The following RND1 variants were observed in gnomAD, a reference collection of about 807,000 sequenced individuals.
RND1 encodes the protein Rho family GTPase 1.
In RND1, 9 loss-of-function variants were observed where a neutral mutation model predicts 27.1. That is an observed-to-expected ratio of 0.33 (90% CI 0.20 to 0.58). The LOEUF (loss-of-function observed/expected upper bound fraction) is 0.58. Ranked by LOEUF, RND1 falls within the 20% of genes least tolerant of loss-of-function variation. The pLI, the probability that RND1 is intolerant of heterozygous loss-of-function variation, is 0.86. For synonymous variants in RND1, 108 were observed against 115.7 expected, an observed-to-expected ratio of 0.93 and a Z score of 0.43; for missense variants, 253 against 292.2, an observed-to-expected ratio of 0.87 and a Z score of 0.98.
chr12:48,860,923 G>C, intron 4 of RND1, 74 bp downstream of exon 4: 2 of 1,596,458 alleles, frequency 1.3e-6, no homozygotes, highest in South Asian at 1.1e-5. Context: ...ATTTGAGCCA[G>C]GGCCATATTT....
At chr12:48,864,416 TGCGCGC>T (rs57360089) in intron 2 of RND1, among the ~76,000 whole-genome samples, 2 of 135,458 alleles carry the variant, frequency 1.5e-5, no homozygotes, top group African/African-American at 5.4e-5. Flanking sequence ...TGTGTGTGTG[TGCGCGC>T]GCGCGCGTGT....
intron 1 of RND1, 149 bp downstream of exon 1, chr12:48,865,499 C>T: frequency 1.1e-6 from 1 of 931,318 alleles, no homozygotes; most frequent in Non-Finnish European, 1.7e-6. Context: ...AGTCCTCCAG[C>T]CAAAAAGCAG....
chr12:48,860,077 CTTT>C (rs36016980), intron 4 of RND1, among the ~76,000 whole-genome samples: 3 of 122,726 alleles, frequency 2.4e-5, no homozygotes, highest in Non-Finnish European at 3.4e-5. Flanking sequence ...CACACCTGGC[CTTT>C]TTTTTTTTTT....
At position 48,857,857 on chromosome 12, in the gene RND1, C is replaced by T. The variant is rs1938864954; in HGVS notation, c.*139G>A. 1.6e-5 allele frequency: 16 copies of T among 1,027,400 alleles called. No homozygotes were observed. 63.6% of individuals were successfully genotyped at this position (1,027,400 alleles called of 1,614,324 possible). A position where few individuals can be genotyped will look rare whatever the true frequency, so the allele number is the denominator to read the frequency against. On this transcript the variant is annotated 3_prime_UTR_variant, in exon 5 of 5. Coordinates refer to ENST00000309739, the MANE Select transcript of RND1 (RefSeq NM_014470.4). ...GCCTGGCTCCTTCCTCGCCCCATTC[C>T]TGTCTCCTTCCAAGCCCTCACCGTG...
intron 2 of RND1, among the ~76,000 whole-genome samples, chr12:48,863,796 C>T (rs975032152): frequency 1.3e-5 from 2 of 152,154 alleles, no homozygotes; most frequent in African/African-American, 2.4e-5. Context: ...GCAGGAAACA[C>T]CTAGTGATTT....
At chr12:48,864,423 G>GCGCA (rs1461433853) in intron 2 of RND1, among the ~76,000 whole-genome samples, 2 of 148,264 alleles carry the variant, frequency 1.3e-5, no homozygotes, top group African/African-American at 2.4e-5. Flanking sequence ...GTGTGCGCGC[G>GCGCA]CGCGCGTGTG....
chr12:48,865,541 A>G, intron 1 of RND1, 107 bp downstream of exon 1: 4 of 1,320,256 alleles, frequency 3.0e-6, no homozygotes, highest in Non-Finnish European at 3.2e-6. Context: ...AAAGCGGCTG[A>G]GGATGGGCTG....
intron 2 of RND1, among the ~76,000 whole-genome samples, chr12:48,864,351 C>T (rs1196387273): frequency 6.7e-6 from 1 of 150,278 alleles, no homozygotes; most frequent in Non-Finnish European, 1.5e-5. Flanking sequence ...CTGCCTCTTG[C>T]CTCTTATTTG....
rs930404930 is a variant in RND1 at position 48,858,151 on chromosome 12, T to A, written c.544A>T (p.Thr182Ser). 7 of 1,614,072 alleles carry A rather than the reference T, an allele frequency of 4.3e-6. No homozygotes were observed. Among genetic ancestry groups the A allele is most frequent in the Non-Finnish European group, 5.9e-6 (7 of 1,180,016 alleles). ...TTGTTCAGACACAGCATGGATGCCG[T>A]CCGAAAGATGCTGTGGATGCTCTTT... Reference protein sequence around the residue: ...SEKSIHSIFRTASMLCLNKPS... With the variant: ...SEKSIHSIFRSASMLCLNKPS... The change falls in exon 5 of 5, where the codon ACG becomes TCG. Residue 182 changes from threonine (T) to serine (S), a missense_variant. Transcript: ENST00000309739.
intron 2 of RND1, among the ~76,000 whole-genome samples, chr12:48,864,285 AC>A (rs1938954613): frequency 6.6e-6 from 1 of 151,966 alleles, no homozygotes; most frequent in Admixed American, 6.6e-5. Flanking sequence ...AGTCTGAGCA[AC>A]CTTTCCCCAA....
At chr12:48,862,779 C>T (rs1938933217) in intron 2 of RND1, among the ~76,000 whole-genome samples, 1 of 152,170 alleles carries the variant, frequency 6.6e-6, no homozygotes, top group African/African-American at 2.4e-5. Context: ...AAGAGTCCTT[C>T]GTTGGAAGGG....
At chr12:48,858,389 C>CTTTTTTTTTTT in intron 4 of RND1, 148 bp from the exon 5 acceptor site, 1 of 540,794 alleles carries the variant, frequency 1.8e-6, no homozygotes, top group East Asian at 3.5e-5. Flanking sequence ...ATTATCTTTT[C>CTTTTTTTTTTT]TTTTTTTTTT....
At chr12:48,860,942 C>A (rs1938911540) in intron 4 of RND1, 55 bp downstream of exon 4, 1 of 1,610,082 alleles carries the variant, frequency 6.2e-7, no homozygotes, top group Non-Finnish European at 8.5e-7. Context: ...TTCAAGCTGT[C>A]TGCCTCTAGC....
rs1314240459 is a variant in RND1, at chr12:48,865,687, G to A, written c.81C>T (p.Thr27=). ...CCTTCGCTAACACTTGCAACATCGC[G>A]GTCTTCCCACACTGCACGTCCCCGA... ...VLVGDVQCGK[T]AMLQVLAKDC... is the part of the protein sequence containing the mutation. The change falls in exon 1 of 5, where the codon ACC becomes ACT. Residue 27 remains threonine (T), a synonymous_variant. Transcript: ENST00000309739. 6.2e-7 allele frequency: 1 copy of A among 1,613,992 alleles called. No individual in the cohort carries two copies. Among genetic ancestry groups the A allele is most frequent in the Non-Finnish European group, 8.5e-7 (1 of 1,180,004 alleles).
Position 48,861,093 on chromosome 12 carries a change from G to A in RND1, c.357C>T (p.Arg119=), listed in dbSNP as rs888397398. The change falls in exon 4 of 5, where the codon CGC becomes CGT. Residue 119 remains arginine, a synonymous_variant. Transcript: ENST00000309739. ...TEILDYCPST[R]VLLIGCKTDL... Reference sequence around the variant, plus strand: ...CTGTCTTGCAGCCAATGAGCAAAACGCGGGTGCTGGGACAATAATCTAGGA... The same window carrying A: ...CTGTCTTGCAGCCAATGAGCAAAACACGGGTGCTGGGACAATAATCTAGGA... 5.6e-6 allele frequency: 9 copies of A among 1,613,734 alleles called. No individual in the cohort carries two copies. Among genetic ancestry groups the A allele is most frequent in the East Asian group, 4.5e-5 (2 of 44,882 alleles).
intron 1 of RND1, among the ~76,000 whole-genome samples, chr12:48,865,097 GC>G (rs1410957638): frequency 6.6e-6 from 1 of 151,974 alleles, no homozygotes; most frequent in African/African-American, 2.4e-5. Context: ...CCAGGGGTAA[GC>G]CCCCCATATC....
intron 2 of RND1, among the ~76,000 whole-genome samples, chr12:48,864,342 T>G (rs1452090083): frequency 6.6e-6 from 1 of 151,958 alleles, no homozygotes; most frequent in Non-Finnish European, 1.5e-5. Flanking sequence ...CCAGCAGCAC[T>G]GCCTCTTGCC....
intron 2 of RND1, among the ~76,000 whole-genome samples, chr12:48,864,428 C>CGT (rs1555172274): frequency 0.011 from 1,617 of 147,540 alleles, 6 homozygotes; most frequent in Middle Eastern, 0.045. Context: ...CGCGCGCGCG[C>CGT]GTGTGTGTGC....
In RND1 at chr12:48,860,977, G is replaced by A. The variant is rs1938911932; in HGVS notation, c.453+20C>T. 1.2e-6 allele frequency: 2 copies of A among 1,612,560 alleles called. No individual in the cohort carries two copies. The highest frequency in any genetic ancestry group is 8.5e-7 in the Non-Finnish European group (1 of 1,180,014). ...CCTTCCTCACTCCACCCCACGACATGCACTTGCATGCGCACACACCTGCTC... is the reference window on the plus strand; with the variant it reads ...CCTTCCTCACTCCACCCCACGACATACACTTGCATGCGCACACACCTGCTC... On this transcript the variant is annotated intron_variant, in intron 4 of 4. Transcript: ENST00000309739.
Sources: gnomAD v4.1 joint callset for allele counts (sites outside exome capture counted in the v4.1 genomes callset) on GRCh38, gnomAD v4.1.1 for gene constraint, MANE v1.5 for transcripts, NCBI Gene and HGNC (gene_info 2026-07-23, HGNC 2026-07-21) for gene names.